The following HAS1 variants were observed in gnomAD, a reference collection of about 807,000 sequenced individuals.
HAS1 encodes the protein HA synthase 1.
HAS1 carries 27 observed loss-of-function variants against 35.0 expected under a neutral mutation model. The observed-to-expected ratio is 0.77, with a 90% confidence interval of 0.57 to 1.06. HAS1 has a LOEUF of 1.06. Among genes scored for constraint, HAS1 ranks in the 50% least tolerant of loss-of-function variants. The pLI is 0.00. For missense variants in HAS1, 940 were observed against 814.8 expected (o/e 1.15, Z -1.87); for synonymous variants, 409 against 371.2 (o/e 1.10, Z -1.17).
At chr19:51,723,882 T>TACACACACAC (rs759536923) in intron 1 of HAS1, 43 bp downstream of exon 1, 6 of 659,640 alleles carry the variant, frequency 9.1e-6, no homozygotes, top group South Asian at 6.4e-5. Flanking sequence ...CACATGGCTG[T>TACACACACAC]ATACACACAC....
chr19:51,713,885 G>C lies in HAS1; in HGVS notation c.1276C>G (p.Arg426Gly). ...AGCACCCACAGCAGCGCCCAAGGGC[G>C]GCCCGCGTAGAACAGACGCAGCACA... Reference protein sequence around the residue: ...ATVLRLFYAGRPWALLWVLLC... With the variant: ...ATVLRLFYAGGPWALLWVLLC... Residue 426 changes from arginine (R) to glycine (G), a missense_variant, in exon 5 of 5, where the codon CGC (arginine) becomes GGC (glycine). By Grantham distance (125) the Arg-to-Gly change is moderately radical. Transcript: ENST00000540069. This position sits in a 1 kb window ranked among gnomAD's most constrained non-coding sequence, Gnocchi z 4.5. 6.2e-7 allele frequency: 1 copy of C among 1,606,188 alleles called. No individual in the cohort carries two copies. The highest frequency in any genetic ancestry group is 8.5e-7 in the Non-Finnish European group (1 of 1,179,802).
Position 51,713,907 on chromosome 19 carries a change from C to T in HAS1, c.1254G>A (p.Val418=), listed in dbSNP as rs773374474. The change falls in exon 5 of 5, where the codon GTG becomes GTA. Residue 418 remains valine, a synonymous_variant. Coordinates refer to ENST00000540069, the MANE Select transcript of HAS1 (RefSeq NM_001297436.2). The surrounding 1 kb of genome is among the most constrained non-coding windows in gnomAD (Gnocchi z 4.5). The stretch of plus-strand genomic sequence containing the variant: ...GGCGGCCCGCGTAGAACAGACGCAG[C>T]ACAGTGGCCGCCACGAAGAAGGGGA... ...GLFPFFVAAT[V]LRLFYAGRPW... is the part of the protein sequence containing the mutation. 1.1e-4 allele frequency: 184 copies of T among 1,607,216 alleles called. No individual in the cohort carries two copies. Among genetic ancestry groups the T allele is most frequent in the Non-Finnish European group, 4.3e-5 (51 of 1,179,938 alleles).
chr19:51,716,413 A>T, intron 3 of HAS1, 25 bp from the exon 4 acceptor site: 1 of 1,594,396 alleles, frequency 6.3e-7, no homozygotes, highest in Non-Finnish European at 8.5e-7. Flanking sequence ...GGTGTGAAAG[A>T]GTGTCAGCCT....
At chr19:51,715,287 C>T (rs1376203431) in intron 4 of HAS1, among the ~76,000 whole-genome samples, 1 of 152,074 alleles carries the variant, frequency 6.6e-6, no homozygotes, top group Non-Finnish European at 1.5e-5. Context: ...AGTCCTTAGA[C>T]CTATAAGCCT....
chr19:51,713,594 C>A lies in HAS1; in HGVS notation c.1567G>T (p.Glu523Ter). ...GGGCCGCTCCAGTCGGCCCTGGCCT[C>A]GTGTGCTACGCTGCGGACCAGGCCC... ...LGGLVRSVAH[E>*]ARADWSGPSR... The change falls in exon 5 of 5, where the codon GAG becomes TAG. Residue 523 changes from glutamate to a stop codon, truncating the protein, a stop_gained. Coordinates refer to ENST00000540069, the MANE Select transcript of HAS1 (RefSeq NM_001297436.2). LOFTEE classifies it low-confidence loss of function (END_TRUNC). The surrounding 1 kb of genome is among the most constrained non-coding windows in gnomAD (Gnocchi z 4.5). 6.4e-7 allele frequency: 1 copy of A among 1,557,082 alleles called. No homozygotes were observed. Among genetic ancestry groups the A allele is most frequent in the South Asian group, 1.2e-5 (1 of 86,068 alleles).
chr19:51,717,126 T>G lies in HAS1; in HGVS notation c.767A>C (p.Asp256Ala), dbSNP rs1052127701. 4.3e-6 allele frequency: 7 copies of G among 1,613,628 alleles called. No homozygotes were observed. The highest frequency in any genetic ancestry group is 5.9e-6 in the Non-Finnish European group (7 of 1,179,918). ...LLELVRVLDEDPRVGAVGGDV... is the reference protein window; with the variant it reads ...LLELVRVLDEAPRVGAVGGDV... ...CCCACCAACAGCCCCTACCCGGGGG[T>G]CCTCGTCCAGTACCCGCACGAGCTC... The change falls in exon 3 of 5, where the codon GAC becomes GCC. Residue 256 changes from aspartate (D) to alanine (A), a missense_variant. Physicochemically the swap from Asp to Ala is moderately radical, Grantham distance 126. Transcript: ENST00000540069.
intron 3 of HAS1, among the ~76,000 whole-genome samples, chr19:51,716,761 A>T (rs1463710918): frequency 4.0e-5 from 6 of 151,798 alleles, no homozygotes; most frequent in Non-Finnish European, 1.5e-5. Flanking sequence ...ATCGTCATCC[A>T]TATCCTTTTT....
At position 51,719,462 on chromosome 19, in the gene HAS1, C is replaced by A. The variant is rs777326196; in HGVS notation, c.443G>T (p.Arg148Leu). ...GGGGTCCTCGTCAGCGAAGACCTCG[C>A]GGAACATGTCGACCATGTAGAGGTC... ...AEDLYMVDMFREVFADEDPAT... is the reference protein window; with the variant it reads ...AEDLYMVDMFLEVFADEDPAT... The change falls in exon 2 of 5, where the codon CGC becomes CTC. Residue 148 changes from arginine (R) to leucine (L), a missense_variant. Arg to Leu is a moderately radical substitution (Grantham distance 102). Transcript: ENST00000540069. The A allele has an allele frequency of 5.8e-6, 9 of 1,550,720 alleles. No individual in the cohort carries two copies. The highest frequency in any genetic ancestry group is 1.4e-5 in the African/African-American group (1 of 72,868).
At chr19:51,714,346 C>T (rs1358570501) in intron 4 of HAS1, among the ~76,000 whole-genome samples, 1 of 148,082 alleles carries the variant, frequency 6.8e-6, no homozygotes. Context: ...CCAGCCTGGG[C>T]AACATAGCAA....
Position 51,714,116 on chromosome 19 carries a change from A to G in HAS1, c.1059-14T>C. 1 of 1,607,132 alleles carries G rather than the reference A, an allele frequency of 6.2e-7. No individual in the cohort carries two copies. The highest frequency in any genetic ancestry group is 8.5e-7 in the Non-Finnish European group (1 of 1,177,122). The stretch of plus-strand genomic sequence containing the variant: ...CTGGAGGTGTACCTGCACGGGGGCG[A>G]GGAATGAGGGCATCATCGCGTGCTC... On this transcript the variant is annotated splice_polypyrimidine_tract_variant and intron_variant, in intron 4 of 4. Coordinates refer to ENST00000540069, the MANE Select transcript of HAS1 (RefSeq NM_001297436.2).
Position 51,719,832 on chromosome 19 carries a change from TG to T in HAS1, c.72del (p.Ile25SerfsTer11), listed in dbSNP as rs1568628487. 1 of 1,553,320 alleles carries T rather than the reference TG, an allele frequency of 6.4e-7. No individual in the cohort carries two copies. ...RCSGLARRVL[T>X]IAFALLILGL... Reference sequence around the variant, plus strand: ...CCCAGGATGAGCAGGGCGAAGGCGATGGTCAGCACCCTCCGGGCCAGGCCGG... The same window carrying T: ...CCCAGGATGAGCAGGGCGAAGGCGATGTCAGCACCCTCCGGGCCAGGCCGG... On this transcript the variant is annotated frameshift_variant, in exon 2 of 5. Transcript: ENST00000540069. LOFTEE classifies it high-confidence loss of function.
In HAS1 at chr19:51,714,010, CG is replaced by C. The variant is rs779674116; in HGVS notation, c.1150del (p.Arg384ValfsTer17). 2.3e-5 allele frequency: 37 copies of C among 1,613,848 alleles called. No individual in the cohort carries two copies. The African/African-American group carries it at 4.3e-4, about 19-fold the overall frequency. ...CCAGAGCGCGTTGTACAGCCACTCACGGAAGTACGACTTGGACCAGCGTGTC... is the reference window on the plus strand; with the variant it reads ...CCAGAGCGCGTTGTACAGCCACTCACGAAGTACGACTTGGACCAGCGTGTC... ...QQTRWSKSYF[R>X]EWLYNALWWH... On this transcript the variant is annotated frameshift_variant, in exon 5 of 5. Coordinates refer to ENST00000540069, the MANE Select transcript of HAS1 (RefSeq NM_001297436.2). LOFTEE classifies it low-confidence loss of function (END_TRUNC).
intron 1 of HAS1, among the ~76,000 whole-genome samples, chr19:51,720,135 T>C (rs1276668672): frequency 1.3e-5 from 2 of 151,674 alleles, no homozygotes; most frequent in Admixed American, 6.5e-5. Context: ...TTTTGTTTTT[T>C]TTTTCTTTTG....
Position 51,714,046 on chromosome 19 carries a change from A to T in HAS1, c.1115T>A (p.Leu372Gln). 3 of 1,613,868 alleles carry T rather than the reference A, an allele frequency of 1.9e-6. No homozygotes were observed. Among genetic ancestry groups the T allele is most frequent in the Non-Finnish European group, 2.5e-6 (3 of 1,179,910 alleles). The change falls in exon 5 of 5, where the codon CTG (leucine) becomes CAG (glutamine). Residue 372 changes from leucine to glutamine, a missense_variant. By Grantham distance (113) the Leu-to-Gln change is moderately radical (BLOSUM62 -2). Transcript: ENST00000540069. ...SETPSSFLRW[L>Q]SQQTRWSKSY... ...CTTGGACCAGCGTGTCTGCTGGCTC[A>T]GCCACCGCAGGAAGGACGAGGGCGT...
rs1364237229 is a variant in HAS1, at chr19:51,716,955, TG to T, written c.925+12del. On this transcript the variant is annotated intron_variant, in intron 3 of 4. Coordinates refer to ENST00000540069, the MANE Select transcript of HAS1 (RefSeq NM_001297436.2). ...CCCCATCCACAGCCCTCCCAATCTC[TG>T]CCCCTGCTTACCTAGAGGACCGCTG... 2 of 1,572,672 alleles carry T rather than the reference TG, an allele frequency of 1.3e-6. No homozygotes were observed. Among genetic ancestry groups the T allele is most frequent in the Non-Finnish European group, 1.8e-6 (2 of 1,142,706 alleles).
In HAS1 at chr19:51,713,859, C is replaced by T; in HGVS notation, c.1302G>A (p.Leu434=). ...AGRPWALLWV[L]LCVQGVALAK... is the part of the protein sequence containing the mutation. ...CCAGTGCCACGCCCTGCACGCACAG[C>T]AGCACCCACAGCAGCGCCCAAGGGC... The change falls in exon 5 of 5, where the codon CTG becomes CTA. Residue 434 remains leucine, a synonymous_variant. Transcript: ENST00000540069. The surrounding 1 kb of genome is among the most constrained non-coding windows in gnomAD (Gnocchi z 4.5). 7 of 1,606,574 alleles carry T rather than the reference C, an allele frequency of 4.4e-6. No individual in the cohort carries two copies. The highest frequency in any genetic ancestry group is 5.9e-6 in the Non-Finnish European group (7 of 1,179,516).
At position 51,719,533 on chromosome 19, in the gene HAS1, G is replaced by A. The variant is rs1287543879; in HGVS notation, c.372C>T (p.Arg124=). The change falls in exon 2 of 5, where the codon CGC becomes CGT. Residue 124 remains arginine (R), a synonymous_variant. Transcript: ENST00000540069. ...CCACCATGAGGACGCGCAGCCGCGC[G>A]CGCGGGTACAGCAGGGCGCGGGCGG... ...LASARALLYP[R]ARLRVLMVVD... is the part of the protein sequence containing the mutation. The A allele has an allele frequency of 6.5e-7, 1 of 1,548,722 alleles. No homozygotes were observed. Among genetic ancestry groups the A allele is most frequent in the Non-Finnish European group, 8.7e-7 (1 of 1,146,026 alleles).
At chr19:51,722,962 G>A (rs2083640772) in intron 1 of HAS1, among the ~76,000 whole-genome samples, 1 of 152,130 alleles carries the variant, frequency 6.6e-6, no homozygotes, top group Non-Finnish European at 1.5e-5. Flanking sequence ...ACAAAACTGA[G>A]GTACAGCTTT....
intron 4 of HAS1, among the ~76,000 whole-genome samples, chr19:51,714,566 C>CTG (rs1428476487): frequency 6.8e-6 from 1 of 147,924 alleles, no homozygotes; most frequent in Non-Finnish European, 1.5e-5. Context: ...GCGTGGTGGC[C>CTG]TGTAGTCCCA....
Sources: gnomAD v4.1 joint callset for allele counts (sites outside exome capture counted in the v4.1 genomes callset) on GRCh38, gnomAD v4.1.1 for gene constraint, Gnocchi (gnomAD v3.1) non-coding constraint, MANE v1.5 for transcripts, NCBI Gene and HGNC (gene_info 2026-07-23, HGNC 2026-07-21) for gene names.